ASTN1: variants seen among roughly 807,000 people sequenced by gnomAD.
ASTN1 encodes astrotactin 1.
In ASTN1, 41 loss-of-function variants were observed where a neutral mutation model predicts 140.7. The ratio of observed to expected loss-of-function variants is 0.29; its 90% CI spans 0.23 to 0.38. The LOEUF (loss-of-function observed/expected upper bound fraction) is 0.38. Among genes scored for constraint, ASTN1 ranks in the 10% least tolerant of loss-of-function variants. ASTN1 has a pLI of 1.00. For synonymous variants in ASTN1, 640 were observed against 652.2 expected (o/e 0.98, Z 0.29); for missense variants, 1,479 against 1,678.8 (o/e 0.88, Z 2.08).
intron 1 of ASTN1, among the ~76,000 whole-genome samples, chr1:177,143,856 C>T (rs1471204845): frequency 6.6e-6 from 1 of 152,076 alleles, no homozygotes; most frequent in Non-Finnish European, 1.5e-5. Context: ...TCTTAGTTTT[C>T]ATCATCGTAC....
intron 1 of ASTN1, among the ~76,000 whole-genome samples, chr1:177,075,402 C>T (rs1310233308): frequency 6.8e-5 from 9 of 133,258 alleles, no homozygotes; most frequent in Non-Finnish European, 1.2e-4. Context: ...AAAAACTTGA[C>T]TTTTAAAAGG....
At chr1:177,049,172 T>C (rs1677403767) in intron 2 of ASTN1, among the ~76,000 whole-genome samples, 1 of 152,190 alleles carries the variant, frequency 6.6e-6, no homozygotes, top group Non-Finnish European at 1.5e-5. Flanking sequence ...ATTCCTAGAA[T>C]GTGGGAGCTG....
intron 1 of ASTN1, among the ~76,000 whole-genome samples, chr1:177,079,455 G>A (rs1475516268): frequency 5.9e-5 from 9 of 152,128 alleles, no homozygotes; most frequent in Admixed American, 5.2e-4. Context: ...GACCCTATGA[G>A]TTGAGGTTAA....
At position 176,951,122 on chromosome 1, in the gene ASTN1, C is replaced by T. The variant is rs560627371; in HGVS notation, c.1888-1771G>A. Among the ~76,000 whole-genome samples, 11 of 152,344 alleles carry T rather than the reference C, an allele frequency of 7.2e-5. No homozygotes were observed. In the South Asian group the frequency reaches 1.7e-3, roughly 23 times the overall value. On this transcript the variant is annotated intron_variant, in intron 11 of 22. Transcript: ENST00000361833. ...CCCAGCCTGGTCCATCTCCCTTTCT[C>T]CCCATGAAGGCAGCTGGAGTGCTGG...
intron 1 of ASTN1, among the ~76,000 whole-genome samples, chr1:177,062,016 G>A (rs143981781): frequency 4.3e-4 from 65 of 152,184 alleles, no homozygotes; most frequent in South Asian, 2.3e-3. Context: ...AGCAAAATAC[G>A]AAAACTGACT....
chr1:176,865,253 G>A (rs1668090465), intron 22 of ASTN1, among the ~76,000 whole-genome samples: 1 of 152,190 alleles, frequency 6.6e-6, no homozygotes, highest in Non-Finnish European at 1.5e-5. Context: ...AGATTCCTGA[G>A]AGAGAAGGGA....
intron 1 of ASTN1, among the ~76,000 whole-genome samples, chr1:177,068,624 T>A (rs73047047): frequency 0.015 from 2,223 of 152,184 alleles, 61 homozygotes; most frequent in African/African-American, 0.051. Flanking sequence ...GGACTAGATT[T>A]CTCTAGGAAT....
intron 9 of ASTN1, among the ~76,000 whole-genome samples, chr1:176,960,402 G>A (rs1248082607): frequency 6.6e-6 from 1 of 152,192 alleles, no homozygotes; most frequent in African/African-American, 2.4e-5. Flanking sequence ...CATTGATGCA[G>A]AGCAACAAAT....
At position 176,871,644 on chromosome 1, in the gene ASTN1, C is replaced by T. The variant is rs188700794; in HGVS notation, c.3464-2617G>A. 9.9e-5 allele frequency among the ~76,000 whole-genome samples: 15 copies of T among 152,280 alleles called. No individual in the cohort carries two copies. In the East Asian group the frequency reaches 1.7e-3, roughly 18 times the overall value. ...TAAGAGCCCACATCAGTAAGTCAGACGCTGTCTTCAGAAAGATCTATGCTC... is the reference window on the plus strand; with the variant it reads ...TAAGAGCCCACATCAGTAAGTCAGATGCTGTCTTCAGAAAGATCTATGCTC... On this transcript the variant is annotated intron_variant, in intron 21 of 22. Transcript: ENST00000361833.
Position 176,958,466 on chromosome 1 carries a change from C to G in ASTN1, c.1615G>C (p.Gly539Arg), listed in dbSNP as rs566602590. 1 of 1,612,720 alleles carries G rather than the reference C, an allele frequency of 6.2e-7. No individual in the cohort carries two copies. The highest frequency in any genetic ancestry group is 1.3e-5 in the African/African-American group (1 of 75,028). The change falls in exon 10 of 23, where the codon GGG becomes CGG. Residue 539 changes from glycine (G) to arginine (R), a missense_variant. Transcript: ENST00000361833. ...DKIFRFTYTL[G>R]EGMWLPLSKS... ...CTGAGGGGCAACCACATGCCCTCCC[C>G]AAGAGTGTAGGTGAATCTGCAGGGA...
rs777277604 is a variant in ASTN1, at chr1:176,863,953, G to A, written c.*331C>T. 6.9e-5 allele frequency: 76 copies of A among 1,107,262 alleles called. No homozygotes were observed. Among genetic ancestry groups the A allele is most frequent in the Non-Finnish European group, 8.0e-5 (72 of 903,814 alleles). 68.6% of individuals were successfully genotyped at this position (1,107,262 alleles called of 1,614,324 possible). On this transcript the variant is annotated 3_prime_UTR_variant, in exon 23 of 23. Transcript: ENST00000361833. The stretch of plus-strand genomic sequence containing the variant: ...CTACTTAATAGACTTTTCATGGGGA[G>A]CACGGCAGAGCTCTTGAGCATTTTG...
At chr1:176,971,344 A>G (rs1673131987) in intron 8 of ASTN1, among the ~76,000 whole-genome samples, 1 of 152,214 alleles carries the variant, frequency 6.6e-6, no homozygotes, top group African/African-American at 2.4e-5. Context: ...TAGTTCTGGG[A>G]AAAATAAGTA....
At chr1:177,034,919 A>G (rs1402441188) in intron 2 of ASTN1, among the ~76,000 whole-genome samples, 2 of 152,110 alleles carry the variant, frequency 1.3e-5, no homozygotes, top group Admixed American at 6.5e-5. Context: ...CTTAAACACT[A>G]TGTTTTTTGC....
At chr1:177,038,530 G>A (rs1676833406) in intron 2 of ASTN1, among the ~76,000 whole-genome samples, 1 of 151,912 alleles carries the variant, frequency 6.6e-6, no homozygotes, top group Non-Finnish European at 1.5e-5. Flanking sequence ...GGAAGAGAAG[G>A]AAGAAAAAAG....
At chr1:176,878,981 G>A (rs933119521) in intron 20 of ASTN1, among the ~76,000 whole-genome samples, 4 of 152,178 alleles carry the variant, frequency 2.6e-5, no homozygotes, top group South Asian at 2.1e-4. Context: ...TCTGCCCAGA[G>A]GTGGAGTGGC....
intron 7 of ASTN1, among the ~76,000 whole-genome samples, chr1:177,015,430 C>A (rs889428594): frequency 1.3e-5 from 2 of 152,150 alleles, no homozygotes; most frequent in African/African-American, 4.8e-5. Flanking sequence ...CTTTTTCTCC[C>A]ACCATGCCAG....
At chr1:177,003,907 C>A (rs1402204186) in intron 8 of ASTN1, among the ~76,000 whole-genome samples, 1 of 152,008 alleles carries the variant, frequency 6.6e-6, no homozygotes, top group African/African-American at 2.4e-5. Flanking sequence ...TGCCTAAGAA[C>A]TGGAACAAGA....
intron 6 of ASTN1, among the ~76,000 whole-genome samples, chr1:177,024,305 G>A (rs1675984793): frequency 6.6e-6 from 1 of 152,176 alleles, no homozygotes; most frequent in Admixed American, 6.5e-5. Flanking sequence ...TAGCCAGTGG[G>A]CTGTGCATTT....
At chr1:177,075,645 C>CTTTTTTTTTTTTTTTTTTTTTTTT (rs5778927) in intron 1 of ASTN1, among the ~76,000 whole-genome samples, 10 of 99,538 alleles carry the variant, frequency 1.0e-4, no homozygotes, top group Non-Finnish European at 1.9e-4. Context: ...CTTTTCTTTT[C>CTTTTTTTTTTTTTTTTTTTTTTTT]TTTTTTTTTT....
Sources: allele counts gnomAD v4.1 joint callset (sites outside exome capture counted in the v4.1 genomes callset), GRCh38; gene constraint gnomAD v4.1.1; transcripts MANE v1.5; gene names NCBI Gene and HGNC (gene_info 2026-07-23, HGNC 2026-07-21).